The following CLEC16A variants were observed in gnomAD, a reference collection of about 807,000 sequenced individuals.
The protein encoded by CLEC16A is protein CLEC16A.
In CLEC16A, 51 loss-of-function variants were observed where a neutral mutation model predicts 109.5. The ratio of observed to expected loss-of-function variants is 0.47; its 90% confidence interval spans 0.37 to 0.59. The LOEUF (loss-of-function observed/expected upper bound fraction) is 0.59, where lower values mean the gene tolerates loss of function less well. Among genes scored for constraint, CLEC16A ranks in the 20% least tolerant of loss-of-function variants. CLEC16A has a pLI of 0.00. For missense variants in CLEC16A, 1,339 were observed against 1,394.0 expected (o/e 0.96, Z 0.63); for synonymous variants, 673 against 564.2 (o/e 1.19, Z -2.73).
intron 22 of CLEC16A, among the ~76,000 whole-genome samples, chr16:11,147,079 C>T (rs2054092398): frequency 6.6e-6 from 1 of 151,470 alleles, no homozygotes; most frequent in Non-Finnish European, 1.5e-5. Flanking sequence ...GCGCCGAGAA[C>T]CTTGTGTCCC....
At chr16:11,162,595 A>G (rs1309478212) in intron 22 of CLEC16A, among the ~76,000 whole-genome samples, 3 of 152,186 alleles carry the variant, frequency 2.0e-5, no homozygotes, top group African/African-American at 7.2e-5. Context: ...GGGGAAAGAG[A>G]GCACAAATTT....
chr16:11,096,198 A>G (rs558379441), intron 19 of CLEC16A, among the ~76,000 whole-genome samples: 12 of 151,644 alleles, frequency 7.9e-5, no homozygotes, highest in African/African-American at 2.9e-4. Flanking sequence ...AATTTTATGT[A>G]GCTGGGTGTT....
intron 19 of CLEC16A, among the ~76,000 whole-genome samples, chr16:11,091,866 A>C (rs1310210800): frequency 6.6e-6 from 1 of 151,950 alleles, no homozygotes; most frequent in East Asian, 1.9e-4. Context: ...AAGTTACCCC[A>C]CTTTTCTTTG....
intron 11 of CLEC16A, 78 bp from the exon 12 acceptor site, chr16:11,020,115 T>C: frequency 6.7e-7 from 1 of 1,484,294 alleles, no homozygotes; most frequent in Non-Finnish European, 9.1e-7. Context: ...GCATATTTAT[T>C]CTCCAACATG....
At chr16:11,152,623 GT>G (rs1218754174) in intron 22 of CLEC16A, among the ~76,000 whole-genome samples, 1 of 152,190 alleles carries the variant, frequency 6.6e-6, no homozygotes, top group East Asian at 1.9e-4. Context: ...AGATAGGGTT[GT>G]TTTGTTTGTT....
intron 19 of CLEC16A, among the ~76,000 whole-genome samples, chr16:11,076,691 C>T (rs2049394024): frequency 6.6e-6 from 1 of 152,230 alleles, no homozygotes; most frequent in African/African-American, 2.4e-5. Flanking sequence ...CAGTGACAGA[C>T]AGCGCGACCT....
At chr16:11,071,538 A>T (rs1190051047) in intron 19 of CLEC16A, among the ~76,000 whole-genome samples, 2 of 152,038 alleles carry the variant, frequency 1.3e-5, no homozygotes, top group Non-Finnish European at 2.9e-5. Context: ...TTTTTCTGCA[A>T]ACTGAAGACA....
chr16:11,179,308 T>C lies in CLEC16A; in HGVS notation c.*618T>C, dbSNP rs2068886936. The C allele has an allele frequency of 2.0e-5, 3 of 152,270 alleles. No homozygotes were observed. Among genetic ancestry groups the C allele is most frequent in the Admixed American group, 2.0e-4 (3 of 15,292 alleles). 9.4% of individuals were successfully genotyped at this position (152,270 alleles called of 1,614,324 possible). ...ATATTTTGTTTCAGAGTTCTTAGTG[T>C]GGCTTTTTCCATTTATTTAAGTGAT... On this transcript the variant is annotated 3_prime_UTR_variant, in exon 24 of 24. Transcript: ENST00000409790.
intron 19 of CLEC16A, among the ~76,000 whole-genome samples, chr16:11,085,794 G>C (rs1315046000): frequency 2.0e-5 from 3 of 152,172 alleles, no homozygotes; most frequent in African/African-American, 7.2e-5. Context: ...GTTTCATCTT[G>C]TTGCCCAGGC....
intron 22 of CLEC16A, among the ~76,000 whole-genome samples, chr16:11,129,580 C>G (rs966798692): frequency 1.3e-5 from 2 of 152,236 alleles, no homozygotes; most frequent in Non-Finnish European, 2.9e-5. Context: ...GAGACCCACT[C>G]CTGTAAATCA....
chr16:11,144,701 C>G (rs139738563), intron 22 of CLEC16A, among the ~76,000 whole-genome samples: 1 of 152,208 alleles, frequency 6.6e-6, no homozygotes. Flanking sequence ...CCAGGCCTAA[C>G]CCAGTTAAGT....
At chr16:10,967,780 C>T (rs1014531683) in intron 3 of CLEC16A, among the ~76,000 whole-genome samples, 10 of 152,188 alleles carry the variant, frequency 6.6e-5, no homozygotes, top group African/African-American at 2.2e-4. Context: ...CCCAAGGTCA[C>T]AGCACAGCTA....
intron 23 of CLEC16A, among the ~76,000 whole-genome samples, chr16:11,172,172 A>G (rs919708162): frequency 6.6e-6 from 1 of 152,232 alleles, no homozygotes; most frequent in African/African-American, 2.4e-5. Context: ...AGTCACACAT[A>G]TACAAATGGA....
chr16:11,074,151 CTCTTTTTTT>C (rs1380191659), intron 19 of CLEC16A, among the ~76,000 whole-genome samples: 1 of 138,462 alleles, frequency 7.2e-6, no homozygotes, highest in Non-Finnish European at 1.5e-5. Context: ...CTCTTTTCTT[CTCTTTTTTT>C]TCTTTTTTCT....
Position 11,003,231 on chromosome 16 carries a change from C to T in CLEC16A, c.1229C>T (p.Ala410Val). Residue 410 changes from alanine (A) to valine (V), a missense_variant, in exon 11 of 24, where the codon GCC becomes GTC. By Grantham distance (64) the Ala-to-Val change is moderately conservative. Around this residue, in one of 3 missense-constraint regions of CLEC16A, gnomAD observed 1,061 missense variants for 1,006.8 expected, o/e 1.05. Coordinates refer to ENST00000409790, the MANE Select transcript of CLEC16A (RefSeq NM_015226.3). The stretch of plus-strand genomic sequence containing the variant: ...GAGGAGAAAGGGCCCACCGAGGATG[C>T]CCAAGAAGACGCCGAGAAGGCTAAA... ...EDEEKGPTEDAQEDAEKAKGT... is the reference protein window; with the variant it reads ...EDEEKGPTEDVQEDAEKAKGT... 1 of 1,613,266 alleles carries T rather than the reference C, an allele frequency of 6.2e-7. No individual in the cohort carries two copies.
chr16:11,024,879 C>T lies in CLEC16A; in HGVS notation c.1495C>T (p.Leu499=), dbSNP rs766651766. The change falls in exon 13 of 24, where the codon CTG becomes TTG. Residue 499 remains leucine, a synonymous_variant. Transcript: ENST00000409790. ...LDSPDDDYHA[L]FVLCLLYAMS... is the part of the protein sequence containing the mutation. ...CAGCCCGGATGATGATTACCATGCCCTGTTCGTGCTCTGCCTCCTCTATGC... is the reference window on the plus strand; with the variant it reads ...CAGCCCGGATGATGATTACCATGCCTTGTTCGTGCTCTGCCTCCTCTATGC... 6.2e-7 allele frequency: 1 copy of T among 1,610,232 alleles called. No individual in the cohort carries two copies. The highest frequency in any genetic ancestry group is 1.1e-5 in the South Asian group (1 of 89,890).
chr16:11,083,133 T>TTTGTTG (rs753891555), intron 19 of CLEC16A, among the ~76,000 whole-genome samples: 2 of 150,038 alleles, frequency 1.3e-5, no homozygotes, highest in East Asian at 1.9e-4. Flanking sequence ...TTTTGTTTGT[T>TTTGTTG]TTGTTGTTGT....
chr16:11,126,314 GC>G (rs943852149), intron 22 of CLEC16A, 168 bp downstream of exon 22: 19 of 1,504,518 alleles, frequency 1.3e-5, no homozygotes, highest in Non-Finnish European at 1.6e-5. Flanking sequence ...ATTAAACACA[GC>G]CCCCAAAATA....
chr16:11,017,136 C>T (rs911135638), intron 11 of CLEC16A, among the ~76,000 whole-genome samples: 19 of 152,122 alleles, frequency 1.2e-4, no homozygotes, highest in African/African-American at 3.1e-4. Context: ...CAGACTTTGT[C>T]GGGGAGTGGC....
Sources: allele counts gnomAD v4.1 joint callset (sites outside exome capture counted in the v4.1 genomes callset), GRCh38; gene constraint gnomAD v4.1.1; regional missense constraint gnomAD v4.1.1; transcripts MANE v1.5; gene names NCBI Gene and HGNC (gene_info 2026-07-23, HGNC 2026-07-21).